FBXL17: variants seen among roughly 807,000 people sequenced by gnomAD.
FBXL17 encodes F-box/LRR-repeat protein 17.
In FBXL17, 22 loss-of-function variants were observed where a neutral mutation model predicts 66.2. The ratio of observed to expected loss-of-function variants is 0.33; its 90% confidence interval spans 0.24 to 0.47. The LOEUF (loss-of-function observed/expected upper bound fraction) is 0.47, where lower values mean the gene tolerates loss of function less well. FBXL17 is among the 20% of genes least tolerant of loss of function. FBXL17 has a pLI of 1.00. For synonymous variants in FBXL17, 474 were observed against 400.5 expected (o/e 1.18, Z -2.19); for missense variants, 878 against 948.2 (o/e 0.93, Z 0.97).
At chr5:108,350,188 G>A (rs1405041898) in intron 3 of FBXL17, among the ~76,000 whole-genome samples, 3 of 152,176 alleles carry the variant, frequency 2.0e-5, no homozygotes, top group Non-Finnish European at 4.4e-5. Context: ...TGAGGCTGAG[G>A]TTGGGGCTAA....
At chr5:108,303,756 C>G (rs1269401415) in intron 4 of FBXL17, among the ~76,000 whole-genome samples, 1 of 151,838 alleles carries the variant, frequency 6.6e-6, no homozygotes, top group Non-Finnish European at 1.5e-5. Context: ...TTTGCCTTTT[C>G]CACTCTCATT....
intron 6 of FBXL17, among the ~76,000 whole-genome samples, chr5:108,025,640 T>C (rs916675561): frequency 7.3e-5 from 11 of 151,576 alleles, no homozygotes; most frequent in Admixed American, 3.3e-4. Context: ...CTATGTTACA[T>C]AGATGGTAAG....
chr5:108,082,020 T>C (rs158414), intron 6 of FBXL17, among the ~76,000 whole-genome samples: 6,814 of 152,146 alleles, frequency 0.045, 527 homozygotes, highest in African/African-American at 0.15. Context: ...TCCAATATTG[T>C]TACGAGGGCA....
At chr5:108,038,298 T>TATGACAGGACTGC (rs1292265016) in intron 6 of FBXL17, among the ~76,000 whole-genome samples, 1 of 152,122 alleles carries the variant, frequency 6.6e-6, no homozygotes, top group Non-Finnish European at 1.5e-5. Context: ...AACAGGACTG[T>TATGACAGGACTGC]ATGTGTACAT....
At chr5:108,087,455 A>G (rs546317680) in intron 6 of FBXL17, among the ~76,000 whole-genome samples, 1 of 152,228 alleles carries the variant, frequency 6.6e-6, no homozygotes, top group African/African-American at 2.4e-5. Flanking sequence ...GGACACTCCA[A>G]CAGGGAATAT....
At chr5:108,013,137 C>T (rs167012) in intron 7 of FBXL17, among the ~76,000 whole-genome samples, 73,899 of 151,214 alleles carry the variant, frequency 0.49, 19,960 homozygotes, top group South Asian at 0.67. Context: ...ATTATTGTTA[C>T]GAAAGTTTGT....
intron 6 of FBXL17, among the ~76,000 whole-genome samples, chr5:108,125,304 AAATT>A (rs1316776614): frequency 1.3e-5 from 2 of 152,074 alleles, no homozygotes; most frequent in African/African-American, 4.8e-5. Context: ...GTACCTGTAA[AAATT>A]AAATAAATAA....
chr5:107,970,973 C>T (rs1206973627), intron 7 of FBXL17, among the ~76,000 whole-genome samples: 3 of 152,132 alleles, frequency 2.0e-5, no homozygotes, highest in African/African-American at 7.2e-5. Context: ...AATCTAGACA[C>T]AGTATGCTAG....
intron 1 of FBXL17, among the ~76,000 whole-genome samples, chr5:108,379,106 TAA>T (rs1418178471): frequency 1.3e-5 from 2 of 152,224 alleles, no homozygotes; most frequent in Non-Finnish European, 2.9e-5. Flanking sequence ...CGGTATAGGA[TAA>T]GTTTATTTTA....
chr5:108,051,392 G>A (rs111765026), intron 6 of FBXL17, among the ~76,000 whole-genome samples: 1,974 of 152,202 alleles, frequency 0.013, 48 homozygotes, highest in African/African-American at 0.046. Context: ...TATCCACCAC[G>A]GTCAAGGTGG....
chr5:108,189,580 T>C (rs1312276732), intron 5 of FBXL17, among the ~76,000 whole-genome samples: 1 of 152,154 alleles, frequency 6.6e-6, no homozygotes, highest in Non-Finnish European at 1.5e-5. Flanking sequence ...TCTATCATAA[T>C]CCCTGCCCCC....
At chr5:108,102,528 C>A (rs552338791) in intron 6 of FBXL17, among the ~76,000 whole-genome samples, 1 of 152,190 alleles carries the variant, frequency 6.6e-6, no homozygotes, top group African/African-American at 2.4e-5. Context: ...GAAAATAATG[C>A]CTACATTATT....
At chr5:107,972,889 A>G (rs1580268620) in intron 7 of FBXL17, among the ~76,000 whole-genome samples, 1 of 152,316 alleles carries the variant, frequency 6.6e-6, no homozygotes, top group East Asian at 1.9e-4. Flanking sequence ...TATAACAAAT[A>G]ATTATTTCCT....
At chr5:107,989,903 T>C (rs1295756811) in intron 7 of FBXL17, among the ~76,000 whole-genome samples, 2 of 152,146 alleles carry the variant, frequency 1.3e-5, no homozygotes, top group African/African-American at 4.8e-5. Flanking sequence ...TTGGAACTGT[T>C]CCTGGACTTC....
chr5:107,932,721 A>G (rs1211106245), intron 7 of FBXL17, among the ~76,000 whole-genome samples: 2 of 152,212 alleles, frequency 1.3e-5, no homozygotes, highest in Non-Finnish European at 1.5e-5. Flanking sequence ...AAGAGTTATT[A>G]CCTGTTAAAA....
At chr5:108,041,753 A>G (rs1747055499) in intron 6 of FBXL17, among the ~76,000 whole-genome samples, 1 of 151,918 alleles carries the variant, frequency 6.6e-6, no homozygotes. Flanking sequence ...CTCAAATTCC[A>G]TTTTCTTCCT....
intron 6 of FBXL17, among the ~76,000 whole-genome samples, chr5:108,060,105 T>C (rs888603787): frequency 1.3e-5 from 2 of 151,346 alleles, no homozygotes; most frequent in Non-Finnish European, 2.9e-5. Context: ...GAAGTTTCTA[T>C]ATTTGTAGTA....
chr5:108,002,843 C>T (rs1006191799), intron 7 of FBXL17, among the ~76,000 whole-genome samples: 2 of 152,020 alleles, frequency 1.3e-5, no homozygotes, highest in African/African-American at 4.8e-5. Flanking sequence ...TCCCTTTATA[C>T]AAAATGTTCA....
At chr5:107,955,838 C>G (rs1453413609) in intron 7 of FBXL17, among the ~76,000 whole-genome samples, 1 of 152,126 alleles carries the variant, frequency 6.6e-6, no homozygotes, top group Non-Finnish European at 1.5e-5. Context: ...AATATCATGT[C>G]TATGGCTAAA....
Sources: allele counts gnomAD v4.1 joint callset (sites outside exome capture counted in the v4.1 genomes callset), GRCh38; gene constraint gnomAD v4.1.1; transcripts MANE v1.5; gene names NCBI Gene and HGNC (gene_info 2026-07-23, HGNC 2026-07-21).